Variants in MEIOSIN observed in about 807,000 individuals in gnomAD.
The protein encoded by MEIOSIN is meiosis initiator, also known as meiosis initiator protein.
MEIOSIN carries 18 observed loss-of-function variants against 23.4 expected under a neutral mutation model. The ratio of observed to expected loss-of-function variants is 0.77; its 90% CI spans 0.53 to 1.14. The LOEUF (loss-of-function observed/expected upper bound fraction) is 1.14, where lower values mean the gene tolerates loss of function less well. Among genes scored for constraint, MEIOSIN ranks in the 50% most tolerant of loss-of-function variants. The pLI, the probability that MEIOSIN is intolerant of heterozygous loss-of-function variation, is 0.00. For synonymous variants in MEIOSIN, 187 were observed against 100.6 expected (o/e 1.86, Z -5.14); for missense variants, 428 against 242.9 (o/e 1.76, Z -5.07).
intron 11 of MEIOSIN, among the ~76,000 whole-genome samples, chr19:45,760,427 C>T (rs1161507802): frequency 2.0e-5 from 3 of 149,466 alleles, no homozygotes; most frequent in South Asian, 2.1e-4. Flanking sequence ...GCCATCATGG[C>T]GAAATACTAT....
Position 45,757,189 on chromosome 19 carries a change from G to A in MEIOSIN, c.924G>A (p.Val308=). 1 of 702,920 alleles carries A rather than the reference G, an allele frequency of 1.4e-6. No individual in the cohort carries two copies. Among genetic ancestry groups the A allele is most frequent in the Non-Finnish European group, 2.6e-6 (1 of 384,946 alleles). The allele number at this position is 702,920 out of a possible 1,614,324, so 43.5% of individuals were successfully genotyped here. ...CCACCTCTTGCAGGCAGAAGCTGGT[G>A]TTCTATGATTCCAGCGAGGATGTGG... is the stretch of plus-strand genomic sequence containing the variant. ...KTQPHPRQKL[V]FYDSSEDVDK... Residue 308 remains valine (V), a synonymous_variant, in exon 9 of 15, where the codon GTG becomes GTA. Transcript: ENST00000457052.
intron 4 of MEIOSIN, among the ~76,000 whole-genome samples, chr19:45,747,580 C>T (rs1195854037): frequency 6.6e-6 from 1 of 152,224 alleles, no homozygotes; most frequent in African/African-American, 2.4e-5. Context: ...AGACAGCAGA[C>T]AGCAGTAACA....
intron 2 of MEIOSIN, among the ~76,000 whole-genome samples, chr19:45,738,630 A>G (rs898645963): frequency 2.0e-5 from 3 of 152,204 alleles, no homozygotes; most frequent in African/African-American, 4.8e-5. Context: ...AAAAAAAAGC[A>G]TAGCTGATTG....
chr19:45,757,069 T>C (rs1968844482), intron 8 of MEIOSIN, 108 bp from the exon 9 acceptor site: 1 of 619,466 alleles, frequency 1.6e-6, no homozygotes, highest in East Asian at 2.8e-5. Flanking sequence ...GACTGAGCTT[T>C]ACACCCCCAG....
At chr19:45,738,233 G>C (rs1968440941) in intron 2 of MEIOSIN, among the ~76,000 whole-genome samples, 1 of 152,172 alleles carries the variant, frequency 6.6e-6, no homozygotes, top group African/African-American at 2.4e-5. Flanking sequence ...ATCTCCCCCA[G>C]TGACTTTCCA....
At position 45,733,608 on chromosome 19, in the gene MEIOSIN, T is replaced by C. The variant is rs1344650110; in HGVS notation, c.-59T>C. On this transcript the variant is annotated 5_prime_UTR_variant, in exon 1 of 15. Coordinates refer to ENST00000457052, the MANE Select transcript of MEIOSIN (RefSeq NM_001310124.2). The surrounding 1 kb of genome is among the most constrained non-coding windows in gnomAD (Gnocchi z 5.7). ...CGCTGTCTGATCGGGCTCCCTAGAG[T>C]GGGGCCCGGAGAAACCAGAACGGCG... The C allele has an allele frequency of 6.6e-6, 1 of 152,008 alleles. No individual in the cohort carries two copies. The highest frequency in any genetic ancestry group is 1.5e-5 in the Non-Finnish European group (1 of 68,006). The allele number at this position is 152,008 out of a possible 1,614,324, so 9.4% of individuals were successfully genotyped here.
chr19:45,761,206 C>T (rs1321636250), intron 11 of MEIOSIN, among the ~76,000 whole-genome samples: 2 of 151,500 alleles, frequency 1.3e-5, no homozygotes, highest in Non-Finnish European at 2.9e-5. Context: ...CTCACTGCAA[C>T]CTCCGCCTCC....
At chr19:45,762,689 C>A (rs774834704) in intron 13 of MEIOSIN, among the ~76,000 whole-genome samples, 1 of 152,198 alleles carries the variant, frequency 6.6e-6, no homozygotes, top group Non-Finnish European at 1.5e-5. Context: ...GATCTGCCTG[C>A]CTCGGCCTCT....
At chr19:45,742,784 A>G (rs949279510) in intron 3 of MEIOSIN, among the ~76,000 whole-genome samples, 1 of 152,068 alleles carries the variant, frequency 6.6e-6, no homozygotes, top group African/African-American at 2.4e-5. Context: ...GTGACAGAGC[A>G]AGACTCTGTC....
intron 2 of MEIOSIN, among the ~76,000 whole-genome samples, chr19:45,737,948 G>A (rs1230135581): frequency 3.3e-5 from 5 of 151,830 alleles, no homozygotes; most frequent in Admixed American, 3.3e-4. Context: ...TGTGGACAGG[G>A]TCTCACCATG....
chr19:45,751,303 A>AATG (rs1177478045), intron 5 of MEIOSIN, among the ~76,000 whole-genome samples: 1 of 147,454 alleles, frequency 6.8e-6, no homozygotes, highest in African/African-American at 2.5e-5. Context: ...TAATAATAAT[A>AATG]ATAATAATAT....
intron 4 of MEIOSIN, among the ~76,000 whole-genome samples, chr19:45,749,813 G>A (rs1164115758): frequency 6.6e-6 from 1 of 150,592 alleles, no homozygotes; most frequent in African/African-American, 2.4e-5. Flanking sequence ...GACCAGCCTA[G>A]CCAGCATGGT....
intron 3 of MEIOSIN, among the ~76,000 whole-genome samples, chr19:45,742,805 C>T (rs1404570310): frequency 6.6e-6 from 1 of 151,828 alleles, no homozygotes; most frequent in African/African-American, 2.4e-5. Flanking sequence ...TCAAAACAAA[C>T]AAACAAAACA....
chr19:45,754,280 GT>G (rs754771441), intron 6 of MEIOSIN, among the ~76,000 whole-genome samples, 198 bp from the exon 7 acceptor site: 3 of 152,176 alleles, frequency 2.0e-5, no homozygotes, highest in Non-Finnish European at 4.4e-5. Context: ...CCTGGCCAGT[GT>G]TTTTTAAAGG....
At chr19:45,757,486 G>C (rs374546593) in intron 9 of MEIOSIN, among the ~76,000 whole-genome samples, 4 of 152,322 alleles carry the variant, frequency 2.6e-5, no homozygotes, top group African/African-American at 9.6e-5. Flanking sequence ...CTTGAGCCCA[G>C]ACATGGCCTC....
intron 5 of MEIOSIN, among the ~76,000 whole-genome samples, chr19:45,752,962 C>T (rs1398912849): frequency 3.3e-5 from 4 of 121,068 alleles, no homozygotes; most frequent in African/African-American, 1.3e-4. Context: ...TCGCTCTTTT[C>T]GCCCAGGCTG....
intron 13 of MEIOSIN, among the ~76,000 whole-genome samples, chr19:45,762,999 C>A (rs1968979146): frequency 6.6e-6 from 1 of 152,202 alleles, no homozygotes; most frequent in Non-Finnish European, 1.5e-5. Flanking sequence ...GTCCTTGGGA[C>A]TGACTTTGGT....
At chr19:45,748,762 T>C (rs1229387389) in intron 4 of MEIOSIN, among the ~76,000 whole-genome samples, 2 of 152,146 alleles carry the variant, frequency 1.3e-5, no homozygotes, top group Non-Finnish European at 1.5e-5. Flanking sequence ...GTATTAGAGA[T>C]AATAAGCTTA....
chr19:45,744,804 A>G (rs1568554927), intron 3 of MEIOSIN, among the ~76,000 whole-genome samples: 1 of 152,052 alleles, frequency 6.6e-6, no homozygotes, highest in Non-Finnish European at 1.5e-5. Flanking sequence ...ATCCTTAACA[A>G]TGGGATGTCA....
Sources: gnomAD v4.1 joint callset for allele counts (sites outside exome capture counted in the v4.1 genomes callset) on GRCh38, gnomAD v4.1.1 for gene constraint, Gnocchi (gnomAD v3.1) non-coding constraint, MANE v1.5 for transcripts, NCBI Gene and HGNC (gene_info 2026-07-23, HGNC 2026-07-21) for gene names.